The following NLGN4Y variants were observed in gnomAD, a reference collection of about 807,000 sequenced individuals.
NLGN4Y encodes neuroligin 4 Y-linked.
In NLGN4Y, 4 loss-of-function variants were observed where a neutral mutation model predicts 8.4. The observed-to-expected ratio is 0.48, with a 90% CI of 0.23 to 1.09. The LOEUF is 1.09. Among genes scored for constraint, NLGN4Y ranks in the 50% least tolerant of loss-of-function variants. NLGN4Y has a pLI of 0.19. For missense variants in NLGN4Y, 90 were observed against 192.3 expected (o/e 0.47, Z 3.15); for synonymous variants, 35 against 75.6 (o/e 0.46, Z 2.78).
At chrY:14,698,365 A>G in intron 2 of NLGN4Y, among the ~76,000 whole-genome samples, 2 of 33,363 alleles carry the variant, frequency 6.0e-5, no homozygotes, top group African/African-American at 1.2e-4. Context: ...GTTTATTTCA[A>G]TTGAACGTGT....
intron 1 of NLGN4Y, among the ~76,000 whole-genome samples, chrY:14,576,230 G>A: frequency 3.0e-5 from 1 of 33,502 alleles, no homozygotes; most frequent in Non-Finnish European, 7.4e-5. Flanking sequence ...AGTGTGGTGG[G>A]CCCCACCCAG....
At chrY:14,702,314 AC>A (rs2080853098) in intron 2 of NLGN4Y, among the ~76,000 whole-genome samples, 2 of 29,721 alleles carry the variant, frequency 6.7e-5, no homozygotes, top group Non-Finnish European at 1.6e-4. Context: ...CCTACCCCCT[AC>A]CCCCACCCCA....
At chrY:14,667,127 G>GAA (rs140211070) in intron 2 of NLGN4Y, among the ~76,000 whole-genome samples, 38 of 25,530 alleles carry the variant, frequency 1.5e-3, no homozygotes, top group South Asian at 1.8e-3. Flanking sequence ...AAATAAATAA[G>GAA]AAAAAAAAAA....
At chrY:14,706,419 G>C in intron 2 of NLGN4Y, among the ~76,000 whole-genome samples, 1 of 32,227 alleles carries the variant, frequency 3.1e-5, no homozygotes, top group African/African-American at 1.2e-4. Context: ...TTGTTTGTTT[G>C]CTTGTTTGTT....
intron 1 of NLGN4Y, among the ~76,000 whole-genome samples, chrY:14,609,673 C>A: frequency 6.0e-5 from 2 of 33,187 alleles, no homozygotes; most frequent in Admixed American, 2.8e-4. Context: ...CATGAAATTT[C>A]ATTTTTCTGT....
At chrY:14,778,034 TATAA>T (rs200967958) in intron 4 of NLGN4Y, among the ~76,000 whole-genome samples, 75 of 20,927 alleles carry the variant, frequency 3.6e-3, no homozygotes, top group Middle Eastern at 0.018. Context: ...CCTGTCTCTG[TATAA>T]ATAAATAAAT....
chrY:14,725,449 A>G, intron 4 of NLGN4Y, among the ~76,000 whole-genome samples: 1 of 33,638 alleles, frequency 3.0e-5, no homozygotes, highest in Admixed American at 2.7e-4. Context: ...TATATTTCAC[A>G]TTTTCTTCTT....
chrY:14,705,917 G>A, intron 2 of NLGN4Y, among the ~76,000 whole-genome samples: 3 of 33,395 alleles, frequency 9.0e-5, no homozygotes. Context: ...AGATCTTTCT[G>A]TGATAAGTGG....
chrY:14,658,602 C>T, intron 2 of NLGN4Y, among the ~76,000 whole-genome samples: 1 of 33,204 alleles, frequency 3.0e-5, no homozygotes, highest in Non-Finnish European at 7.4e-5. Context: ...GTGGCTTGAT[C>T]ATGGCTCACT....
At chrY:14,722,140 G>T (rs775756169) in intron 3 of NLGN4Y, among the ~76,000 whole-genome samples, 15 of 32,913 alleles carry the variant, frequency 4.6e-4, no homozygotes, top group Non-Finnish European at 8.2e-4. Flanking sequence ...AATATATTAG[G>T]ATGATGATGA....
intron 2 of NLGN4Y, among the ~76,000 whole-genome samples, chrY:14,710,238 G>A: frequency 3.0e-5 from 1 of 33,699 alleles, no homozygotes; most frequent in Non-Finnish European, 7.3e-5. Flanking sequence ...TCAGAGCTGG[G>A]CATAGTGGCT....
chrY:14,833,753 C>T (rs2043187761), intron 6 of NLGN4Y, among the ~76,000 whole-genome samples: 2 of 33,544 alleles, frequency 6.0e-5, no homozygotes, highest in African/African-American at 2.3e-4. Context: ...GACCACTGTC[C>T]GACACTCCCC....
chrY:14,559,776 G>C, intron 1 of NLGN4Y, among the ~76,000 whole-genome samples: 1 of 33,044 alleles, frequency 3.0e-5, no homozygotes, highest in East Asian at 7.8e-4. Context: ...ATTCACTAGA[G>C]ACTCTACATC....
At chrY:14,528,980 C>G in intron 1 of NLGN4Y, among the ~76,000 whole-genome samples, 1 of 32,413 alleles carries the variant, frequency 3.1e-5, no homozygotes, top group Non-Finnish European at 7.5e-5. Flanking sequence ...ATGGGACTTT[C>G]TTAGCTCCAC....
intron 4 of NLGN4Y, among the ~76,000 whole-genome samples, chrY:14,812,946 C>T: frequency 3.4e-5 from 1 of 29,008 alleles, no homozygotes; most frequent in Non-Finnish European, 8.2e-5. Context: ...TTCCTTCCCT[C>T]CTTCCTTCCT....
At chrY:14,831,682 A>C (rs2043180075) in intron 6 of NLGN4Y, among the ~76,000 whole-genome samples, 1 of 31,004 alleles carries the variant, frequency 3.2e-5, no homozygotes, top group Non-Finnish European at 7.7e-5. Context: ...CATACTATAT[A>C]TACAAGTACA....
At chrY:14,699,917 A>G (rs921108653) in intron 2 of NLGN4Y, among the ~76,000 whole-genome samples, 2 of 33,319 alleles carry the variant, frequency 6.0e-5, no homozygotes, top group South Asian at 6.5e-4. Context: ...ACTGTATGGG[A>G]TTAAATACTT....
At chrY:14,634,501 C>T (rs2080558770) in intron 2 of NLGN4Y, among the ~76,000 whole-genome samples, 1 of 33,373 alleles carries the variant, frequency 3.0e-5, no homozygotes, top group Non-Finnish European at 7.4e-5. Context: ...GTGGGAGGAT[C>T]ACTTGAGGCT....
At chrY:14,588,233 C>G (rs771790946) in intron 1 of NLGN4Y, among the ~76,000 whole-genome samples, 1 of 33,507 alleles carries the variant, frequency 3.0e-5, no homozygotes, top group African/African-American at 1.2e-4. Flanking sequence ...ATAACTGAGA[C>G]TGGGTAATTT....
Sources: gnomAD v4.1 joint callset for allele counts (sites outside exome capture counted in the v4.1 genomes callset) on GRCh38, gnomAD v4.1.1 for gene constraint, MANE v1.5 for transcripts, NCBI Gene and HGNC (gene_info 2026-07-23, HGNC 2026-07-21) for gene names.